Variants in CDK14 observed in about 807,000 individuals in gnomAD.
The protein encoded by CDK14 is cyclin-dependent kinase 14.
A neutral mutation model predicts 60.7 loss-of-function variants in CDK14; 34 were observed. The observed-to-expected ratio is 0.56, with a 90% CI of 0.43 to 0.75. The LOEUF (loss-of-function observed/expected upper bound fraction) is 0.75, where lower values mean the gene tolerates loss of function less well. Among genes scored for constraint, CDK14 ranks in the 30% least tolerant of loss-of-function variants. The pLI is 0.00. For synonymous variants in CDK14, 197 were observed against 203.7 expected, an observed-to-expected ratio of 0.97 and a Z score of 0.28; for missense variants, 482 against 564.1, an observed-to-expected ratio of 0.85 and a Z score of 1.47.
At chr7:90,978,103 G>A (rs933840989) in intron 9 of CDK14, among the ~76,000 whole-genome samples, 1 of 152,136 alleles carries the variant, frequency 6.6e-6, no homozygotes, top group African/African-American at 2.4e-5. Flanking sequence ...AATTAACCAG[G>A]TACAGAGAGG....
intron 10 of CDK14, among the ~76,000 whole-genome samples, chr7:91,037,857 T>C (rs1796978870): frequency 6.6e-6 from 1 of 152,240 alleles, no homozygotes; most frequent in African/African-American, 2.4e-5. Context: ...TTAGTTTTTG[T>C]TTTAAATTTG....
intron 9 of CDK14, among the ~76,000 whole-genome samples, chr7:90,963,896 A>G (rs1794679298): frequency 6.6e-6 from 1 of 151,686 alleles, no homozygotes; most frequent in African/African-American, 2.4e-5. Context: ...TTGTATTTTT[A>G]GTAGAGATGG....
chr7:91,141,820 G>A (rs547658484), intron 14 of CDK14, among the ~76,000 whole-genome samples: 1 of 151,712 alleles, frequency 6.6e-6, no homozygotes, highest in Non-Finnish European at 1.5e-5. Context: ...TGTTGTTGTT[G>A]TTGTTGCTGT....
At position 91,047,844 on chromosome 7, in the gene CDK14, C is replaced by T. The variant is rs535493155; in HGVS notation, c.1105+1884C>T. On this transcript the variant is annotated intron_variant, in intron 11 of 14. Transcript: ENST00000380050. ...GACTGAGTCAAAGGAAACAAATTTC[C>T]AAGTCCTTCCAAGCAGCACTTACCA... is the stretch of plus-strand genomic sequence containing the variant. 2.0e-5 allele frequency among the ~76,000 whole-genome samples: 3 copies of T among 152,178 alleles called. 1 individual carries two copies. Among genetic ancestry groups the T allele is most frequent in the African/African-American group, 7.2e-5 (3 of 41,504 alleles).
intron 11 of CDK14, among the ~76,000 whole-genome samples, chr7:91,052,673 T>C (rs1467113208): frequency 1.1e-4 from 16 of 152,214 alleles, no homozygotes; most frequent in Admixed American, 1.0e-3. Context: ...AAAAAAATGC[T>C]GCTAGACCAG....
chr7:90,863,698 T>TGTGTGTGTGTGTGTG lies in CDK14; in HGVS notation c.639+429_639+430insGTGTGTGTGTGTGTG, dbSNP rs61201271. On this transcript the variant is annotated intron_variant, in intron 6 of 14. Coordinates refer to ENST00000380050, the MANE Select transcript of CDK14 (RefSeq NM_001287135.2). ...TGTGTGTGTGTGTGTGTGTGTGTGT[T>TGTGTGTGTGTGTGTG]TGTGTGTGTGTGTGTAGGAAAGCCT... Among the ~76,000 whole-genome samples, 13 of 58,508 alleles carry TGTGTGTGTGTGTGTG rather than the reference T, an allele frequency of 2.2e-4. No individual in the cohort carries two copies. The South Asian group carries it at 2.7e-3, about 12-fold the overall frequency. 38.4% of individuals were successfully genotyped at this position (58,508 alleles called of 152,430 possible). A position where few individuals can be genotyped will look rare whatever the true frequency, so the allele number is the denominator to read the frequency against.
chr7:90,709,847 G>T, intron 2 of CDK14: 1 of 1,390,842 alleles, frequency 7.2e-7, no homozygotes, highest in East Asian at 2.8e-5. Context: ...TGCTAGTGCA[G>T]AAAGATGTGA....
intron 12 of CDK14, among the ~76,000 whole-genome samples, chr7:91,102,291 T>C (rs1285148918): frequency 6.6e-6 from 1 of 152,210 alleles, no homozygotes; most frequent in Non-Finnish European, 1.5e-5. Context: ...AAGCACACTA[T>C]TATGCTTCAG....
intron 6 of CDK14, among the ~76,000 whole-genome samples, chr7:90,865,075 G>A (rs1791134331): frequency 6.6e-6 from 1 of 152,090 alleles, no homozygotes; most frequent in Non-Finnish European, 1.5e-5. Context: ...CTTTTACACT[G>A]CTTCTTTGCC....
At chr7:90,752,083 T>A (rs1562753171) in intron 4 of CDK14, among the ~76,000 whole-genome samples, 2 of 152,112 alleles carry the variant, frequency 1.3e-5, no homozygotes, top group Non-Finnish European at 2.9e-5. Context: ...AGTGGGGGCT[T>A]CCACAACGCA....
chr7:91,005,285 G>A (rs937426317), intron 10 of CDK14, among the ~76,000 whole-genome samples: 3 of 152,256 alleles, frequency 2.0e-5, no homozygotes, highest in Non-Finnish European at 2.9e-5. Context: ...CCACTTCGTG[G>A]TGGGTGCACT....
chr7:90,654,693 C>G (rs1800716580), intron 2 of CDK14, among the ~76,000 whole-genome samples: 1 of 152,098 alleles, frequency 6.6e-6, no homozygotes, highest in South Asian at 2.1e-4. Flanking sequence ...GCTCAACTTT[C>G]AGTTTACAGG....
At chr7:90,656,361 G>T (rs887753668) in intron 2 of CDK14, among the ~76,000 whole-genome samples, 2 of 149,492 alleles carry the variant, frequency 1.3e-5, no homozygotes, top group African/African-American at 4.9e-5. Flanking sequence ...GTGGACTGGT[G>T]CTTCTCCTTT....
At chr7:90,898,181 A>G (rs1792395163) in intron 6 of CDK14, among the ~76,000 whole-genome samples, 1 of 152,090 alleles carries the variant, frequency 6.6e-6, no homozygotes, top group Non-Finnish European at 1.5e-5. Context: ...AATACTACAC[A>G]GCAGACTTTA....
chr7:90,662,091 C>T (rs1420717413), intron 2 of CDK14, among the ~76,000 whole-genome samples: 1 of 152,148 alleles, frequency 6.6e-6, no homozygotes, highest in Non-Finnish European at 1.5e-5. Flanking sequence ...CATTTGTGTG[C>T]TTTATTTTAA....
chr7:90,729,766 TA>T (rs1297040664), intron 3 of CDK14, among the ~76,000 whole-genome samples: 1 of 152,052 alleles, frequency 6.6e-6, no homozygotes. Flanking sequence ...TCTTTTCTCT[TA>T]CCTTATCAAA....
chr7:91,194,018 A>G (rs1365369803), intron 14 of CDK14, among the ~76,000 whole-genome samples: 2 of 152,190 alleles, frequency 1.3e-5, no homozygotes, highest in Non-Finnish European at 2.9e-5. Context: ...TTGAATCGCC[A>G]ATCTCTAGTA....
At chr7:90,604,921 A>C (rs149400497) in intron 2 of CDK14, among the ~76,000 whole-genome samples, 101 of 152,310 alleles carry the variant, frequency 6.6e-4, no homozygotes, top group Admixed American at 1.6e-3. Context: ...CAAAGAGTGA[A>C]ATGTTTCATT....
chr7:90,883,471 C>T (rs999874616), intron 6 of CDK14, among the ~76,000 whole-genome samples: 23 of 151,468 alleles, frequency 1.5e-4, no homozygotes, highest in African/African-American at 3.4e-4. Context: ...ACAAAAGCCC[C>T]GGACCAGATG....
Sources: allele counts gnomAD v4.1 joint callset (sites outside exome capture counted in the v4.1 genomes callset), GRCh38; gene constraint gnomAD v4.1.1; transcripts MANE v1.5; gene names NCBI Gene and HGNC (gene_info 2026-07-23, HGNC 2026-07-21).